The following NUCB2 variants were observed in gnomAD, a reference collection of about 807,000 sequenced individuals.
NUCB2 encodes nucleobindin 2.
NUCB2 carries 48 observed loss-of-function variants against 57.9 expected under a neutral mutation model. The ratio of observed to expected loss-of-function variants is 0.83; its 90% confidence interval spans 0.66 to 1.05. The LOEUF (loss-of-function observed/expected upper bound fraction) is 1.05, where lower values mean the gene tolerates loss of function less well. Among genes scored for constraint, NUCB2 ranks in the 50% least tolerant of loss-of-function variants. The pLI is 0.00. For missense variants in NUCB2, 442 were observed against 476.2 expected (o/e 0.93, Z 0.67); for synonymous variants, 139 against 152.1 (o/e 0.91, Z 0.64).
chr11:17,301,653 A>C (rs1946775623), intron 4 of NUCB2, 91 bp from the exon 5 acceptor site: 4 of 769,882 alleles, frequency 5.2e-6, no homozygotes, highest in Non-Finnish European at 8.5e-6. Context: ...AGTATTTATC[A>C]CTAATGTATT....
chr11:17,316,932 C>T (rs898392443), intron 11 of NUCB2, among the ~76,000 whole-genome samples: 1 of 152,158 alleles, frequency 6.6e-6, no homozygotes, highest in African/African-American at 2.4e-5. Flanking sequence ...CAAATTGGGA[C>T]AGTTGGCCCC....
chr11:17,349,124 T>G (rs953984029), intron 2 of NUCB2, among the ~76,000 whole-genome samples: 15 of 152,124 alleles, frequency 9.9e-5, no homozygotes, highest in African/African-American at 3.6e-4. Flanking sequence ...CCAACTTGCT[T>G]TTGCCTTCAA....
exon 3 of NUCB2, chr11:17,349,669 C>G (rs1591671301): frequency 6.6e-6 from 1 of 152,072 alleles, no homozygotes; most frequent in East Asian, 1.9e-4. Flanking sequence ...ATCCCTGTGC[C>G]CAGGAAAATA....
chr11:17,319,875 C>T (rs1464872582), intron 11 of NUCB2, among the ~76,000 whole-genome samples: 4 of 152,100 alleles, frequency 2.6e-5, no homozygotes, highest in Admixed American at 1.3e-4. Flanking sequence ...TTTTCCTGAT[C>T]CTTCTCCTCC....
intron 6 of NUCB2, among the ~76,000 whole-genome samples, chr11:17,309,890 T>G (rs2138877606): frequency 6.6e-6 from 1 of 152,348 alleles, no homozygotes; most frequent in East Asian, 1.9e-4. Context: ...CTGTAAAAAC[T>G]GAAACCTGGC....
At chr11:17,309,512 AATT>A (rs1243257643) in intron 5 of NUCB2, 57 bp from the exon 6 acceptor site, 10 of 962,834 alleles carry the variant, frequency 1.0e-5, no homozygotes, top group Non-Finnish European at 1.6e-5. Flanking sequence ...TCTTGTGTAT[AATT>A]ATTATGTTTC....
intron 4 of NUCB2, among the ~76,000 whole-genome samples, chr11:17,299,682 T>C (rs914060476): frequency 6.6e-6 from 1 of 152,068 alleles, no homozygotes; most frequent in African/African-American, 2.4e-5. Flanking sequence ...GGTGGGTGGA[T>C]TGCTTGAGCT....
At chr11:17,311,764 A>T in intron 8 of NUCB2, 108 bp from the exon 9 acceptor site, 1 of 670,430 alleles carries the variant, frequency 1.5e-6, no homozygotes, top group East Asian at 2.8e-5. Context: ...CAGTCTATTG[A>T]TGCTTCACAT....
At chr11:17,314,447 C>G (rs1039670474) in intron 10 of NUCB2, among the ~76,000 whole-genome samples, 1 of 152,176 alleles carries the variant, frequency 6.6e-6, no homozygotes, top group Non-Finnish European at 1.5e-5. Context: ...TTGCCTTGCT[C>G]TCTGTGACTC....
At chr11:17,289,614 A>C (rs879897310) in intron 2 of NUCB2, among the ~76,000 whole-genome samples, 1 of 152,214 alleles carries the variant, frequency 6.6e-6, no homozygotes, top group Non-Finnish European at 1.5e-5. Context: ...GCCACCATCC[A>C]TCAACCCCAT....
chr11:17,294,821 G>A (rs1945545140), intron 2 of NUCB2, among the ~76,000 whole-genome samples: 1 of 152,136 alleles, frequency 6.6e-6, no homozygotes, highest in African/African-American at 2.4e-5. Flanking sequence ...GCCAAGGCGG[G>A]CGGATCACCT....
chr11:17,298,081 CAAAAA>C (rs34329500), intron 4 of NUCB2, among the ~76,000 whole-genome samples: 1 of 82,738 alleles, frequency 1.2e-5, no homozygotes. Context: ...GACTTCGTCT[CAAAAA>C]AAAAAAAAAA....
At chr11:17,313,163 A>G (rs1034798188) in intron 10 of NUCB2, among the ~76,000 whole-genome samples, 1 of 152,066 alleles carries the variant, frequency 6.6e-6, no homozygotes, top group South Asian at 2.1e-4. Flanking sequence ...TGCCTTTAGT[A>G]TGAATAAAAT....
At chr11:17,303,221 A>G (rs907033823) in intron 5 of NUCB2, among the ~76,000 whole-genome samples, 13 of 152,222 alleles carry the variant, frequency 8.5e-5, no homozygotes, top group Non-Finnish European at 1.3e-4. Flanking sequence ...AAACCATTAA[A>G]GAGCAGATTG....
intron 4 of NUCB2, among the ~76,000 whole-genome samples, chr11:17,301,000 T>G (rs905815202): frequency 6.8e-6 from 1 of 146,888 alleles, no homozygotes; most frequent in African/African-American, 2.5e-5. Context: ...GAGACGGAGT[T>G]TCACTCTTGT....
chr11:17,310,369 G>C (rs1948303309), intron 6 of NUCB2, among the ~76,000 whole-genome samples: 1 of 152,098 alleles, frequency 6.6e-6, no homozygotes, highest in Non-Finnish European at 1.5e-5. Context: ...GGGCATGGTG[G>C]CTCATGCCTG....
At chr11:17,312,272 T>TAAC (rs1298852995) in intron 10 of NUCB2, 152 bp downstream of exon 10, 54 of 538,370 alleles carry the variant, frequency 1.0e-4, no homozygotes, top group Non-Finnish European at 1.7e-4. Context: ...TCTTACTCTG[T>TAAC]TGCCCAGGCT....
At chr11:17,335,238 C>T (rs1951713788), downstream of NUCB2, among the ~76,000 whole-genome samples, 1 of 151,802 alleles carries the variant, frequency 6.6e-6, no homozygotes. Flanking sequence ...TGACTACTAT[C>T]TGTGACATGA....
intron 2 of NUCB2, among the ~76,000 whole-genome samples, chr11:17,340,464 A>G (rs1397663171): frequency 6.6e-6 from 1 of 152,108 alleles, no homozygotes; most frequent in African/African-American, 2.4e-5. Flanking sequence ...GTTTTCTTCT[A>G]GGGTTTTTAT....
Sources: gnomAD v4.1 joint callset for allele counts (sites outside exome capture counted in the v4.1 genomes callset) on GRCh38, gnomAD v4.1.1 for gene constraint, MANE v1.5 for transcripts, NCBI Gene and HGNC (gene_info 2026-07-23, HGNC 2026-07-21) for gene names.